Variants in LDLRAD4 observed in about 807,000 individuals in gnomAD.
The protein encoded by LDLRAD4 is low density lipoprotein receptor class A domain containing 4.
In LDLRAD4, 5 loss-of-function variants were observed where a neutral mutation model predicts 17.0. That is an observed-to-expected ratio of 0.29 (90% CI 0.15 to 0.62). The LOEUF (loss-of-function observed/expected upper bound fraction) is 0.62, where lower values mean the gene tolerates loss of function less well. Ranked by LOEUF, LDLRAD4 falls within the 20% of genes least tolerant of loss-of-function variation. The pLI, the probability that LDLRAD4 is intolerant of heterozygous loss-of-function variation, is 0.84. For synonymous variants in LDLRAD4, 168 were observed against 171.8 expected (o/e 0.98, Z 0.17); for missense variants, 340 against 424.7 (o/e 0.80, Z 1.75).
intron 3 of LDLRAD4, among the ~76,000 whole-genome samples, chr18:13,563,529 C>T (rs2148239336): frequency 1.3e-5 from 2 of 152,284 alleles, no homozygotes; most frequent in South Asian, 4.1e-4. Flanking sequence ...GTCTAGGGAG[C>T]AGAATGGACA....
intron 3 of LDLRAD4, among the ~76,000 whole-genome samples, chr18:13,563,992 A>G (rs1042074383): frequency 6.6e-6 from 1 of 152,044 alleles, no homozygotes; most frequent in African/African-American, 2.4e-5. Flanking sequence ...TGCAGCCTCA[A>G]CCTCCTGAGC....
chr18:13,546,518 AC>A (rs761752082), intron 3 of LDLRAD4, among the ~76,000 whole-genome samples: 57 of 152,058 alleles, frequency 3.7e-4, no homozygotes, highest in Middle Eastern at 3.4e-3. Flanking sequence ...ACAGGTGTGC[AC>A]CACCATGCCT....
chr18:13,436,983 G>A (rs563629805), intron 2 of LDLRAD4, among the ~76,000 whole-genome samples: 1 of 152,384 alleles, frequency 6.6e-6, no homozygotes, highest in South Asian at 2.1e-4. Context: ...CTTAAGTTGT[G>A]TTTCTTTACA....
At chr18:13,347,590 C>T (rs2082767481) in intron 1 of LDLRAD4, among the ~76,000 whole-genome samples, 1 of 152,138 alleles carries the variant, frequency 6.6e-6, no homozygotes, top group Admixed American at 6.5e-5. Flanking sequence ...GTGGCGTTCT[C>T]TGTATTTCCT....
At chr18:13,587,429 C>T (rs551333302) in intron 3 of LDLRAD4, among the ~76,000 whole-genome samples, 2 of 152,168 alleles carry the variant, frequency 1.3e-5, no homozygotes, top group South Asian at 4.1e-4. Flanking sequence ...CGAGAACAGT[C>T]GACCTGTCAG....
intron 1 of LDLRAD4, among the ~76,000 whole-genome samples, chr18:13,261,251 A>T (rs2043800837): frequency 6.6e-6 from 1 of 152,260 alleles, no homozygotes; most frequent in African/African-American, 2.4e-5. Flanking sequence ...GTGGAAAAAT[A>T]GACCAGCGGG....
At chr18:13,459,544 G>A (rs1391327752) in intron 3 of LDLRAD4, among the ~76,000 whole-genome samples, 4 of 151,796 alleles carry the variant, frequency 2.6e-5, no homozygotes, top group Non-Finnish European at 5.9e-5. Context: ...AACCACGCCC[G>A]GCTCATTTTT....
chr18:13,443,862 G>A (rs2091206323), intron 3 of LDLRAD4, among the ~76,000 whole-genome samples: 1 of 152,150 alleles, frequency 6.6e-6, no homozygotes, highest in African/African-American at 2.4e-5. Flanking sequence ...CCTGCCACGT[G>A]GTAGGTAATG....
intron 1 of LDLRAD4, among the ~76,000 whole-genome samples, chr18:13,310,275 G>A (rs1475621325): frequency 6.6e-6 from 1 of 151,826 alleles, no homozygotes; most frequent in East Asian, 1.9e-4. Flanking sequence ...ACTTGAGGCA[G>A]GAGGTCGATG....
chr18:13,589,976 T>C (rs753656751), intron 3 of LDLRAD4, among the ~76,000 whole-genome samples: 1 of 151,704 alleles, frequency 6.6e-6, no homozygotes, highest in Non-Finnish European at 1.5e-5. Flanking sequence ...GGTGTGCATG[T>C]GTGTGGCTGC....
intron 3 of LDLRAD4, among the ~76,000 whole-genome samples, chr18:13,564,542 T>C (rs1233343795): frequency 4.1e-5 from 6 of 145,600 alleles, no homozygotes; most frequent in Non-Finnish European, 6.0e-5. Context: ...TTTCTGTTTT[T>C]GAGAATGGAA....
At chr18:13,437,508 A>G (rs1476079561) in intron 2 of LDLRAD4, among the ~76,000 whole-genome samples, 1 of 152,164 alleles carries the variant, frequency 6.6e-6, no homozygotes, top group African/African-American at 2.4e-5. Context: ...ACTGAATTCC[A>G]TTTTCAAATA....
intron 4 of LDLRAD4, among the ~76,000 whole-genome samples, chr18:13,628,436 A>G (rs1305673973): frequency 6.6e-6 from 1 of 152,202 alleles, no homozygotes; most frequent in East Asian, 1.9e-4. Flanking sequence ...CCGTTACTGC[A>G]TTTCACGGAA....
intron 3 of LDLRAD4, among the ~76,000 whole-genome samples, chr18:13,474,520 G>T (rs1280842642): frequency 1.3e-5 from 2 of 152,256 alleles, no homozygotes; most frequent in Non-Finnish European, 2.9e-5. Context: ...GGTGTGGCCA[G>T]TGCAGCAGTC....
At chr18:13,317,395 A>AT (rs200114651) in intron 1 of LDLRAD4, among the ~76,000 whole-genome samples, 2,120 of 152,284 alleles carry the variant, frequency 0.014, 24 homozygotes, top group Middle Eastern at 0.031. Context: ...TATTCAGATG[A>AT]TTTTTTTACT....
chr18:13,458,816 A>G (rs540251801), intron 3 of LDLRAD4, among the ~76,000 whole-genome samples: 1 of 152,348 alleles, frequency 6.6e-6, no homozygotes, highest in African/African-American at 2.4e-5. Context: ...GCCATGTGAA[A>G]AGGACTTGAC....
chr18:13,595,002 A>T (rs541987222), intron 3 of LDLRAD4, among the ~76,000 whole-genome samples: 5 of 152,142 alleles, frequency 3.3e-5, no homozygotes, highest in Non-Finnish European at 2.9e-5. Context: ...TTCATTTCGT[A>T]CAAGTTATCT....
At chr18:13,532,085 T>C (rs766629397) in intron 3 of LDLRAD4, among the ~76,000 whole-genome samples, 1 of 152,072 alleles carries the variant, frequency 6.6e-6, no homozygotes, top group South Asian at 2.1e-4. Context: ...TGCAGGGTGA[T>C]GGGCAGTGAG....
In LDLRAD4 at chr18:13,406,496, C is replaced by A. The variant is rs1331278382; in HGVS notation, c.40+18734C>A. Among the ~76,000 whole-genome samples, 5 of 152,144 alleles carry A rather than the reference C, an allele frequency of 3.3e-5. No homozygotes were observed. In the East Asian group the frequency reaches 9.6e-4, roughly 29 times the overall value. ...CAACACGAGGATATAGTCAGGAGGA[C>A]CTCATTCTCTGCCCCGTCGATGCCG... On this transcript the variant is annotated intron_variant, in intron 2 of 5. Coordinates refer to ENST00000359446, the Ensembl canonical transcript of LDLRAD4.
Sources: gnomAD v4.1 joint callset for allele counts (sites outside exome capture counted in the v4.1 genomes callset) on GRCh38, gnomAD v4.1.1 for gene constraint, MANE v1.5 for transcripts, NCBI Gene and HGNC (gene_info 2026-07-23, HGNC 2026-07-21) for gene names.